Variants in RALYL observed in about 807,000 individuals in gnomAD.
RALYL encodes RALY RNA binding protein like, also known as RNA-binding Raly-like protein.
Under a neutral mutation model 35.1 loss-of-function variants are expected in RALYL, and 29 were observed. The observed-to-expected ratio is 0.83, with a 90% CI of 0.61 to 1.13. The LOEUF is 1.13. RALYL is among the 50% of genes most tolerant of loss of function. The pLI is 0.00. For synonymous variants in RALYL, 120 were observed against 127.6 expected, an observed-to-expected ratio of 0.94 and a Z score of 0.40; for missense variants, 359 against 360.4, an observed-to-expected ratio of 1.00 and a Z score of 0.03.
intron 2 of RALYL, among the ~76,000 whole-genome samples, chr8:84,577,987 C>T (rs1436846162): frequency 6.6e-6 from 1 of 152,160 alleles, no homozygotes; most frequent in Non-Finnish European, 1.5e-5. Flanking sequence ...GCTGGTGGTG[C>T]CTTTGCCTGA....
intron 1 of RALYL, among the ~76,000 whole-genome samples, chr8:84,347,411 T>G (rs1050844261): frequency 6.6e-6 from 1 of 152,030 alleles, no homozygotes; most frequent in African/African-American, 2.4e-5. Flanking sequence ...TGACCTCAAC[T>G]ATGTTTAGAT....
chr8:84,840,278 C>A (rs1470170983), intron 4 of RALYL, among the ~76,000 whole-genome samples: 3 of 151,900 alleles, frequency 2.0e-5, no homozygotes, highest in East Asian at 1.9e-4. Flanking sequence ...CCTTAAAGGA[C>A]CTGATGGAGC....
At chr8:84,340,513 A>G (rs1848612440) in intron 1 of RALYL, among the ~76,000 whole-genome samples, 1 of 151,990 alleles carries the variant, frequency 6.6e-6, no homozygotes, top group African/African-American at 2.4e-5. Context: ...TAGATACTTC[A>G]TGTAAGTGGA....
chr8:84,694,718 T>TA (rs1300539205), intron 2 of RALYL, among the ~76,000 whole-genome samples: 1 of 151,814 alleles, frequency 6.6e-6, no homozygotes, highest in Middle Eastern at 3.2e-3. Flanking sequence ...TACAAAGCTA[T>TA]AGTAATCAAA....
chr8:84,415,943 T>A (rs930850511), intron 1 of RALYL, among the ~76,000 whole-genome samples: 10 of 152,206 alleles, frequency 6.6e-5, no homozygotes, highest in Non-Finnish European at 1.0e-4. Flanking sequence ...CATTGTCAAG[T>A]CGCAGATTCA....
chr8:84,767,112 T>G (rs1814278723), intron 2 of RALYL, among the ~76,000 whole-genome samples: 1 of 152,176 alleles, frequency 6.6e-6, no homozygotes. Flanking sequence ...GTGATCACCT[T>G]TAATAGTATG....
chr8:84,749,187 T>C (rs1585916833), intron 2 of RALYL, among the ~76,000 whole-genome samples: 1 of 152,146 alleles, frequency 6.6e-6, no homozygotes, highest in Non-Finnish European at 1.5e-5. Flanking sequence ...GGAATTACTG[T>C]AAAAAAATAA....
chr8:84,310,666 A>C (rs1842591972), intron 1 of RALYL, among the ~76,000 whole-genome samples: 1 of 152,214 alleles, frequency 6.6e-6, no homozygotes, highest in African/African-American at 2.4e-5. Flanking sequence ...TTTGAGGAGA[A>C]AACATAGTTA....
At chr8:84,901,228 A>AT (rs1845638608) in intron 8 of RALYL, among the ~76,000 whole-genome samples, 2 of 152,188 alleles carry the variant, frequency 1.3e-5, no homozygotes, top group Admixed American at 1.3e-4. Context: ...ATGCTCTAAG[A>AT]AAAGGGAGGT....
chr8:84,815,606 C>T (rs1827048852), intron 4 of RALYL, among the ~76,000 whole-genome samples: 2 of 151,636 alleles, frequency 1.3e-5, no homozygotes, highest in South Asian at 4.1e-4. Context: ...TCCAATCATC[C>T]TTGAAACATT....
chr8:84,921,072 A>G lies in RALYL; in HGVS notation c.*161A>G. 2.3e-6 allele frequency: 1 copy of G among 429,512 alleles called. No homozygotes were observed. The highest frequency in any genetic ancestry group is 3.7e-5 in the East Asian group (1 of 26,972). The allele number at this position is 429,512 out of a possible 1,614,324, so 26.6% of individuals were successfully genotyped here. A position where few individuals can be genotyped will look rare whatever the true frequency, so the allele number is the denominator to read the frequency against. On this transcript the variant is annotated 3_prime_UTR_variant, in exon 9 of 9. Transcript: ENST00000521268. Reference sequence around the variant, plus strand: ...AGTATTGCTCAGTTTTAGAAATTCCATTTCTTCTATGTTTTAAGCTGTACA... The same window carrying G: ...AGTATTGCTCAGTTTTAGAAATTCCGTTTCTTCTATGTTTTAAGCTGTACA...
intron 1 of RALYL, among the ~76,000 whole-genome samples, chr8:84,343,001 T>C (rs75913219): frequency 0.045 from 6,883 of 152,164 alleles, 251 homozygotes; most frequent in Non-Finnish European, 0.06. Flanking sequence ...ACTGACCATT[T>C]GGTAGGCAGC....
At chr8:84,199,035 G>T (rs1196198922) in intron 1 of RALYL, among the ~76,000 whole-genome samples, 1 of 152,104 alleles carries the variant, frequency 6.6e-6, no homozygotes, top group Non-Finnish European at 1.5e-5. Context: ...GGATTATGTG[G>T]TAGCTTTGTT....
intron 2 of RALYL, among the ~76,000 whole-genome samples, chr8:84,704,647 C>T (rs1840863178): frequency 6.6e-6 from 1 of 152,140 alleles, no homozygotes; most frequent in South Asian, 2.1e-4. Context: ...GTAATGCAGA[C>T]ACTGACTATG....
chr8:84,919,656 G>A (rs1849018747), intron 8 of RALYL, among the ~76,000 whole-genome samples: 1 of 152,072 alleles, frequency 6.6e-6, no homozygotes, highest in Admixed American at 6.6e-5. Context: ...CAGTGAAGGA[G>A]AGAAATAGAG....
At chr8:84,815,493 A>G (rs1827005258) in intron 4 of RALYL, among the ~76,000 whole-genome samples, 2 of 149,292 alleles carry the variant, frequency 1.3e-5, no homozygotes, top group Admixed American at 1.3e-4. Flanking sequence ...AAATATATTT[A>G]TAAAATACAT....
chr8:84,846,185 TTGG>T (rs1191460537), intron 4 of RALYL, among the ~76,000 whole-genome samples: 1 of 152,188 alleles, frequency 6.6e-6, no homozygotes, highest in African/African-American at 2.4e-5. Context: ...AAAAATGATG[TTGG>T]TAGTTTTATA....
At chr8:84,320,410 A>G (rs1199313646) in intron 1 of RALYL, among the ~76,000 whole-genome samples, 1 of 151,820 alleles carries the variant, frequency 6.6e-6, no homozygotes, top group Non-Finnish European at 1.5e-5. Flanking sequence ...ACACTTGTGC[A>G]TATATGTGTG....
chr8:84,382,180 G>T (rs1858124344), intron 1 of RALYL, among the ~76,000 whole-genome samples: 1 of 149,776 alleles, frequency 6.7e-6, no homozygotes, highest in Non-Finnish European at 1.5e-5. Context: ...ATACATTTGG[G>T]ATGGAAGTTA....
Sources: allele counts gnomAD v4.1 joint callset (sites outside exome capture counted in the v4.1 genomes callset), GRCh38; gene constraint gnomAD v4.1.1; transcripts MANE v1.5; gene names NCBI Gene and HGNC (gene_info 2026-07-23, HGNC 2026-07-21).